RBFOX2: variants seen among roughly 807,000 people sequenced by gnomAD.
RBFOX2 encodes RNA binding protein fox-1 homolog 2.
A neutral mutation model predicts 49.1 loss-of-function variants in RBFOX2; 10 were observed. The ratio of observed to expected loss-of-function variants is 0.20; its 90% CI spans 0.13 to 0.35. The LOEUF (loss-of-function observed/expected upper bound fraction) is 0.35. Ranked by LOEUF, RBFOX2 falls within the 10% of genes least tolerant of loss-of-function variation. The pLI, the probability that RBFOX2 is intolerant of heterozygous loss-of-function variation, is 1.00. For missense variants in RBFOX2, 323 were observed against 486.9 expected (o/e 0.66, Z 3.17); for synonymous variants, 183 against 187.4 (o/e 0.98, Z 0.19).
chr22:35,879,415 C>T (rs2045581967), intron 1 of RBFOX2, among the ~76,000 whole-genome samples: 2 of 152,120 alleles, frequency 1.3e-5, no homozygotes, highest in African/African-American at 4.8e-5. Context: ...TTAAAGTATA[C>T]AGAAGAATAT....
chr22:35,876,811 G>A (rs1390099415), intron 1 of RBFOX2, among the ~76,000 whole-genome samples: 2 of 151,886 alleles, frequency 1.3e-5, no homozygotes, highest in African/African-American at 4.8e-5. Flanking sequence ...GAAAACGTTT[G>A]AGCACACTGT....
chr22:35,952,657 T>C (rs1424323404), intron 1 of RBFOX2, among the ~76,000 whole-genome samples: 1 of 152,224 alleles, frequency 6.6e-6, no homozygotes, highest in African/African-American at 2.4e-5. Flanking sequence ...ACTCAAAGGC[T>C]ACACATACTT....
chr22:35,979,142 G>A (rs2057338641), intron 1 of RBFOX2, among the ~76,000 whole-genome samples: 1 of 152,116 alleles, frequency 6.6e-6, no homozygotes, highest in South Asian at 2.1e-4. Flanking sequence ...TGGTATTCCT[G>A]CCGAAAATGA....
chr22:35,886,949 G>A (rs1053827717), intron 1 of RBFOX2, among the ~76,000 whole-genome samples: 5 of 152,156 alleles, frequency 3.3e-5, no homozygotes, highest in Admixed American at 2.0e-4. Flanking sequence ...TATATCTTGG[G>A]TGTTTAATCC....
chr22:35,942,293 A>G (rs1203346528), upstream of RBFOX2, among the ~76,000 whole-genome samples: 1 of 152,140 alleles, frequency 6.6e-6, no homozygotes, highest in African/African-American at 2.4e-5. Flanking sequence ...GAGTCAATAG[A>G]TACTCTCACA....
chr22:35,986,262 C>T (rs964686478), intron 1 of RBFOX2, among the ~76,000 whole-genome samples: 1 of 152,106 alleles, frequency 6.6e-6, no homozygotes. Context: ...TGGCAAGATG[C>T]CCCAAAGACA....
rs201781792 is a variant in RBFOX2 at position 35,835,333 on chromosome 22, G to C, written c.27+4859C>G. Reference sequence around the variant, plus strand: ...GGGGCTGTATCACCTAGTATGACTGGTTCCCAGAAACTATCTGTCTACCAT... The same window carrying C: ...GGGGCTGTATCACCTAGTATGACTGCTTCCCAGAAACTATCTGTCTACCAT... On this transcript the variant is annotated intron_variant, in intron 1 of 11. Transcript: ENST00000405409. 6.6e-5 allele frequency among the ~76,000 whole-genome samples: 10 copies of C among 152,282 alleles called. No individual in the cohort carries two copies. In the East Asian group the frequency reaches 1.9e-3, roughly 29 times the overall value.
At chr22:35,786,688 T>C (rs146124455) in intron 2 of RBFOX2, among the ~76,000 whole-genome samples, 2 of 152,284 alleles carry the variant, frequency 1.3e-5, no homozygotes, top group Admixed American at 6.5e-5. Flanking sequence ...ACTTTACATA[T>C]ATTATTTTCT....
rs1302985717 is a variant in RBFOX2, at chr22:35,766,805, T to C, written c.547-1322A>G. Among the ~76,000 whole-genome samples, 14 of 152,016 alleles carry C rather than the reference T, an allele frequency of 9.2e-5. No individual in the cohort carries two copies. In the East Asian group the frequency reaches 2.3e-3, roughly 25 times the overall value. On this transcript the variant is annotated intron_variant, in intron 5 of 11. Transcript: ENST00000405409. ...CTGGAGCAGAAAGCAACCAAGCACTTAAAAGGAAAAATGGCCAGAACCAAT... is the reference window on the plus strand; with the variant it reads ...CTGGAGCAGAAAGCAACCAAGCACTCAAAAGGAAAAATGGCCAGAACCAAT...
chr22:35,756,048 A>G, intron 9 of RBFOX2, 57 bp downstream of exon 11: 1 of 1,277,800 alleles, frequency 7.8e-7, no homozygotes, highest in Non-Finnish European at 1.0e-6. Flanking sequence ...GAAACAGAAA[A>G]AAAAAGGCTG....
At chr22:35,761,612 A>T in intron 6 of RBFOX2, 144 bp from the exon 8 acceptor site, 1 of 793,160 alleles carries the variant, frequency 1.3e-6, no homozygotes, top group South Asian at 1.6e-5. Flanking sequence ...TGGGGTTTAT[A>T]TGAGAGAGTA....
At chr22:35,935,840 T>C (rs2052997288) in intron 1 of RBFOX2, among the ~76,000 whole-genome samples, 1 of 152,182 alleles carries the variant, frequency 6.6e-6, no homozygotes, top group East Asian at 1.9e-4. Flanking sequence ...TCACTTTACC[T>C]CTGTGTGCTT....
intron 1 of RBFOX2, among the ~76,000 whole-genome samples, chr22:35,894,843 T>A (rs1214768819): frequency 6.6e-6 from 1 of 151,854 alleles, no homozygotes; most frequent in Non-Finnish European, 1.5e-5. Flanking sequence ...ATCGGGCTGC[T>A]CAAACTCAGC....
At chr22:35,932,741 C>T (rs1434138072) in intron 1 of RBFOX2, among the ~76,000 whole-genome samples, 1 of 152,084 alleles carries the variant, frequency 6.6e-6, no homozygotes, top group African/African-American at 2.4e-5. Context: ...ATTAGCCAGG[C>T]TTAGTGTCGC....
chr22:35,887,514 C>CT (rs2046732359), intron 1 of RBFOX2, among the ~76,000 whole-genome samples: 1 of 152,158 alleles, frequency 6.6e-6, no homozygotes, highest in Admixed American at 6.5e-5. Flanking sequence ...ACAGTAAACA[C>CT]TTTTTTCTTA....
At chr22:35,980,080 G>GT (rs2057383552) in intron 1 of RBFOX2, among the ~76,000 whole-genome samples, 1 of 152,128 alleles carries the variant, frequency 6.6e-6, no homozygotes, top group Non-Finnish European at 1.5e-5. Flanking sequence ...TACAGGGAAT[G>GT]TTGGGCCTTT....
chr22:35,822,852 T>TCTCA, intron 1 of RBFOX2: 1 of 426,936 alleles, frequency 2.3e-6, no homozygotes, highest in South Asian at 1.7e-5. Context: ...TGAGAGTGAG[T>TCTCA]CTCACTCTGT....
intron 1 of RBFOX2, among the ~76,000 whole-genome samples, chr22:35,989,692 C>T (rs2057885321): frequency 6.6e-6 from 1 of 151,882 alleles, no homozygotes; most frequent in Admixed American, 6.6e-5. Context: ...TGGGAAAAAT[C>T]CAAGTAGAAC....
chr22:35,859,591 G>GT (rs1354211970), intron 1 of RBFOX2, among the ~76,000 whole-genome samples: 2 of 152,202 alleles, frequency 1.3e-5, no homozygotes, highest in Admixed American at 1.3e-4. Flanking sequence ...TAATAACAGA[G>GT]TAAACCATGG....
Sources: allele counts gnomAD v4.1 joint callset (sites outside exome capture counted in the v4.1 genomes callset), GRCh38; gene constraint gnomAD v4.1.1; transcripts MANE v1.5; gene names NCBI Gene and HGNC (gene_info 2026-07-23, HGNC 2026-07-21).